Variants in ZFYVE9 observed in about 807,000 individuals in gnomAD.
ZFYVE9 encodes zinc finger FYVE-type containing 9, also known as zinc finger FYVE domain-containing protein 9.
ZFYVE9 carries 43 observed loss-of-function variants against 126.7 expected under a neutral mutation model. That is an observed-to-expected ratio of 0.34 (90% confidence interval 0.27 to 0.44). The LOEUF is 0.44. ZFYVE9 is among the 20% of genes least tolerant of loss of function. The probability of loss-of-function intolerance (pLI) is 1.00; values close to 1 mark genes in which losing one functional copy is unlikely to be tolerated. For synonymous variants in ZFYVE9, 521 were observed against 597.4 expected (o/e 0.87, Z 1.87); for missense variants, 1,476 against 1,697.0 (o/e 0.87, Z 2.29).
rs1646373563 is a variant in ZFYVE9, at chr1:52,334,700, G to C, written c.3602G>C (p.Ser1201Thr). 6.2e-7 allele frequency: 1 copy of C among 1,613,854 alleles called. No homozygotes were observed. Among genetic ancestry groups the C allele is most frequent in the Non-Finnish European group, 8.5e-7 (1 of 1,179,868 alleles). ...HNQPRKVTGA[S>T]FFVFSGALKS... Reference sequence around the variant, plus strand: ...ATTGCTGTTTTAGTGACTGGTGCCAGTTTCTTTGTGTTCAGTGGCGCTCTG... The same window carrying C: ...ATTGCTGTTTTAGTGACTGGTGCCACTTTCTTTGTGTTCAGTGGCGCTCTG... Residue 1201 changes from serine (S) to threonine (T), a missense_variant, in exon 15 of 19, where the codon AGT (serine) becomes ACT (threonine). Around this residue, in one of 2 missense-constraint regions of ZFYVE9, gnomAD observed 669 missense variants for 902.4 expected, o/e 0.74. Transcript: ENST00000287727.
At chr1:52,217,746 A>G (rs1645085373) in intron 2 of ZFYVE9, among the ~76,000 whole-genome samples, 1 of 152,204 alleles carries the variant, frequency 6.6e-6, no homozygotes, top group African/African-American at 2.4e-5. Flanking sequence ...TTGATTTGCT[A>G]GGGTGGTAAG....
intron 1 of ZFYVE9, among the ~76,000 whole-genome samples, chr1:52,154,460 A>G (rs1359207294): frequency 1.3e-5 from 2 of 152,206 alleles, no homozygotes; most frequent in Non-Finnish European, 2.9e-5. Context: ...TTATGTCCCC[A>G]TCTTGCCACT....
intron 17 of ZFYVE9, among the ~76,000 whole-genome samples, chr1:52,344,215 G>A (rs1646464986): frequency 2.0e-5 from 3 of 152,136 alleles, no homozygotes; most frequent in South Asian, 4.1e-4. Context: ...CACAGTTCCC[G>A]CCTCTATAGT....
rs576332718 is a variant in ZFYVE9 at position 52,171,323 on chromosome 1, G to A, written c.-143+28920G>A. Among the ~76,000 whole-genome samples the A allele has an allele frequency of 2.8e-3, 428 of 152,252 alleles. 3 individuals carry two copies. Among genetic ancestry groups the A allele is most frequent in the South Asian group, 4.4e-3 (21 of 4,824 alleles). ...TTTCATCCATGTCCCTACAAAGGAC[G>A]TGAACTCATCATTTTTTATGGCTGC... On this transcript the variant is annotated intron_variant, in intron 1 of 18. Transcript: ENST00000287727.
intron 12 of ZFYVE9, 70 bp downstream of exon 12, chr1:52,296,047 T>G (rs1645971164): frequency 1.4e-6 from 2 of 1,428,872 alleles, no homozygotes; most frequent in African/African-American, 2.9e-5. Flanking sequence ...AGCAATTTTA[T>G]TATTTTCTTG....
chr1:52,237,168 G>A (rs988819754), intron 3 of ZFYVE9, among the ~76,000 whole-genome samples: 1 of 151,948 alleles, frequency 6.6e-6, no homozygotes, highest in African/African-American at 2.4e-5. Context: ...CATTAGATTA[G>A]CACCTGTCCT....
chr1:52,255,402 A>G (rs890297408), intron 4 of ZFYVE9, among the ~76,000 whole-genome samples: 5 of 148,188 alleles, frequency 3.4e-5, no homozygotes, highest in African/African-American at 1.0e-4. Flanking sequence ...TGACCGACCT[A>G]TGGAGAAACC....
At chr1:52,154,441 CCT>C (rs1644383682) in intron 1 of ZFYVE9, among the ~76,000 whole-genome samples, 1 of 152,200 alleles carries the variant, frequency 6.6e-6, no homozygotes, top group Non-Finnish European at 1.5e-5. Flanking sequence ...GCCACAGTGA[CCT>C]CTCCATTTAT....
chr1:52,162,693 C>T (rs1240029021), intron 1 of ZFYVE9: 5 of 295,304 alleles, frequency 1.7e-5, no homozygotes, highest in South Asian at 1.7e-4. Flanking sequence ...ATTTGCCCTT[C>T]TGCCAGTGTG....
At chr1:52,148,639 ATTTC>A (rs770936181) in intron 1 of ZFYVE9, among the ~76,000 whole-genome samples, 2 of 150,256 alleles carry the variant, frequency 1.3e-5, no homozygotes, top group African/African-American at 2.4e-5. Flanking sequence ...TAATATGAAT[ATTTC>A]TTTCTTTTTT....
intron 1 of ZFYVE9, among the ~76,000 whole-genome samples, chr1:52,149,678 A>G (rs928103007): frequency 6.6e-6 from 1 of 152,182 alleles, no homozygotes; most frequent in South Asian, 2.1e-4. Flanking sequence ...TATTTTTAGT[A>G]GAGACGGGGT....
chr1:52,185,070 G>C (rs772810074), intron 1 of ZFYVE9, among the ~76,000 whole-genome samples: 4 of 152,130 alleles, frequency 2.6e-5, no homozygotes, highest in Admixed American at 6.6e-5. Flanking sequence ...TGTTTGCTTG[G>C]GAGTGGAACC....
At chr1:52,331,785 T>C (rs1389287599) in intron 13 of ZFYVE9, among the ~76,000 whole-genome samples, 1 of 150,032 alleles carries the variant, frequency 6.7e-6, no homozygotes, top group African/African-American at 2.4e-5. Context: ...TTTTTTTTTT[T>C]TTATTTTTTT....
chr1:52,201,912 T>G (rs960754316), intron 1 of ZFYVE9, among the ~76,000 whole-genome samples: 7 of 151,516 alleles, frequency 4.6e-5, no homozygotes, highest in African/African-American at 1.7e-4. Flanking sequence ...GCCTCCTGAG[T>G]AGCTGGAATT....
intron 16 of ZFYVE9, among the ~76,000 whole-genome samples, chr1:52,338,935 G>A (rs1448805768): frequency 6.6e-6 from 1 of 152,128 alleles, no homozygotes; most frequent in Admixed American, 6.5e-5. Flanking sequence ...CACTTGAATC[G>A]GGAGGCGGAG....
intron 1 of ZFYVE9, among the ~76,000 whole-genome samples, chr1:52,205,650 G>T (rs1421486863): frequency 6.6e-6 from 1 of 152,040 alleles, no homozygotes; most frequent in Non-Finnish European, 1.5e-5. Context: ...TGGGTTACAG[G>T]TGTGAACCAC....
intron 11 of ZFYVE9, among the ~76,000 whole-genome samples, chr1:52,295,588 C>T (rs548732753): frequency 6.6e-6 from 1 of 152,170 alleles, no homozygotes; most frequent in Non-Finnish European, 1.5e-5. Context: ...GTCTCAAACT[C>T]CTAGGCTCAG....
chr1:52,318,496 C>CT (rs1646208481), intron 13 of ZFYVE9, among the ~76,000 whole-genome samples: 1 of 151,648 alleles, frequency 6.6e-6, no homozygotes. Context: ...TGGTAACAGA[C>CT]TGAGTGCTTC....
At chr1:52,164,312 C>A (rs1200450989) in intron 1 of ZFYVE9, among the ~76,000 whole-genome samples, 2 of 152,104 alleles carry the variant, frequency 1.3e-5, no homozygotes, top group African/African-American at 4.8e-5. Context: ...CTCCCAGGTT[C>A]AAGTGATTCT....
Sources: gnomAD v4.1 joint callset for allele counts (sites outside exome capture counted in the v4.1 genomes callset) on GRCh38, gnomAD v4.1.1 for gene constraint, gnomAD v4.1.1 regional missense constraint, MANE v1.5 for transcripts, NCBI Gene and HGNC (gene_info 2026-07-23, HGNC 2026-07-21) for gene names.